The following SLMAP variants were observed in gnomAD, a reference collection of about 807,000 sequenced individuals.
SLMAP encodes the protein sarcolemmal membrane-associated protein.
A neutral mutation model predicts 128.8 loss-of-function variants in SLMAP; 44 were observed. The observed-to-expected ratio is 0.34, with a 90% CI of 0.27 to 0.44. The LOEUF (loss-of-function observed/expected upper bound fraction) is 0.44. SLMAP is among the 20% of genes least tolerant of loss of function. The pLI is 1.00. For missense variants in SLMAP, 787 were observed against 985.3 expected, an observed-to-expected ratio of 0.80 and a Z score of 2.69; for synonymous variants, 327 against 348.8, an observed-to-expected ratio of 0.94 and a Z score of 0.70.
At chr3:57,841,263 A>G (rs2093922426) in intron 3 of SLMAP, 36 bp from the exon 4 acceptor site, 8 of 1,288,306 alleles carry the variant, frequency 6.2e-6, no homozygotes, top group Non-Finnish European at 8.8e-6. Flanking sequence ...TTTTTAAACA[A>G]TTATTTCATC....
rs778463589 is a variant in SLMAP at position 57,847,205 on chromosome 3, A to G, written c.428A>G (p.His143Arg). 3 of 1,606,356 alleles carry G rather than the reference A, an allele frequency of 1.9e-6. No individual in the cohort carries two copies. The highest frequency in any genetic ancestry group is 2.6e-6 in the Non-Finnish European group (3 of 1,175,152). Residue 143 changes from histidine to arginine, a missense_variant, in exon 5 of 25, where the codon CAT becomes CGT. Physicochemically the swap from His to Arg is conservative, Grantham distance 29. This residue lies in a region of SLMAP where 715 missense variants were observed against 843.6 expected (regional missense o/e 0.85). Coordinates refer to ENST00000671191, the MANE Select transcript of SLMAP (RefSeq NM_001377540.1). The stretch of plus-strand genomic sequence containing the variant: ...TAAATTTTACTTTTCAGTGTCATCC[A>G]TGCACCATTACCAAGTCCTGTTGAC... ...MEARLRSDVI[H>R]APLPSPVDKV... is the part of the protein sequence containing the mutation.
chr3:57,883,175 G>A (rs574700734), intron 14 of SLMAP, among the ~76,000 whole-genome samples: 1 of 152,182 alleles, frequency 6.6e-6, no homozygotes, highest in African/African-American at 2.4e-5. Flanking sequence ...TACCTTAAGA[G>A]AGATAGGAAT....
intron 23 of SLMAP, among the ~76,000 whole-genome samples, chr3:57,924,224 C>CT (rs2096962990): frequency 6.6e-6 from 1 of 152,030 alleles, no homozygotes; most frequent in Non-Finnish European, 1.5e-5. Flanking sequence ...GGTGAATTTC[C>CT]TTTTTTTGTG....
chr3:57,826,498 GT>G (rs917159190), intron 2 of SLMAP, among the ~76,000 whole-genome samples: 2 of 152,102 alleles, frequency 1.3e-5, no homozygotes, highest in African/African-American at 2.4e-5. Flanking sequence ...CTCTTCTGTT[GT>G]TTTTGTAAAA....
chr3:57,904,473 A>T (rs1474784786), intron 17 of SLMAP, among the ~76,000 whole-genome samples: 1 of 152,250 alleles, frequency 6.6e-6, no homozygotes, highest in Non-Finnish European at 1.5e-5. Flanking sequence ...GATAGCCTTT[A>T]TGCTTAAATA....
intron 4 of SLMAP, among the ~76,000 whole-genome samples, chr3:57,843,824 A>G (rs2094106083): frequency 3.5e-5 from 4 of 114,884 alleles, no homozygotes; most frequent in Non-Finnish European, 5.0e-5. Flanking sequence ...TTTGTCAACC[A>G]GGCTGGAGTG....
At position 57,851,483 on chromosome 3, in the gene SLMAP, T is replaced by G. The variant is rs140201159; in HGVS notation, c.519+1667T>G. On this transcript the variant is annotated intron_variant, in intron 6 of 24. Transcript: ENST00000671191. The stretch of plus-strand genomic sequence containing the variant: ...TGAGGTATTTTTTGTTTTTGTTTTT[T>G]TTTTTTTGAAATGGACTTTCGCTCT... Among the ~76,000 whole-genome samples, 501 of 151,852 alleles carry G rather than the reference T, an allele frequency of 3.3e-3. 3 individuals carry two copies. Among genetic ancestry groups the G allele is most frequent in the African/African-American group, 9.8e-3 (405 of 41,464 alleles).
At chr3:57,805,833 A>C (rs1003548444) in intron 2 of SLMAP, among the ~76,000 whole-genome samples, 3 of 151,552 alleles carry the variant, frequency 2.0e-5, no homozygotes, top group Admixed American at 1.3e-4. Flanking sequence ...CCCCCTACCA[A>C]CCCCACACTA....
chr3:57,896,698 A>G, intron 16 of SLMAP, 107 bp downstream of exon 16: 1 of 1,261,824 alleles, frequency 7.9e-7, no homozygotes, highest in African/African-American at 1.5e-5. Flanking sequence ...GAAAAAAAAA[A>G]CGCTTCCATT....
intron 2 of SLMAP, among the ~76,000 whole-genome samples, chr3:57,822,462 A>G (rs1359607503): frequency 6.6e-6 from 1 of 152,212 alleles, no homozygotes; most frequent in Non-Finnish European, 1.5e-5. Context: ...CTGAGCTCGC[A>G]TGAACTGTCT....
chr3:57,898,687 G>T (rs1326651344), intron 17 of SLMAP: 1 of 152,116 alleles, frequency 6.6e-6, no homozygotes, highest in East Asian at 1.9e-4. Flanking sequence ...GTAAAACTCA[G>T]ATATTTGATG....
chr3:57,803,993 G>A (rs971449883), intron 2 of SLMAP, among the ~76,000 whole-genome samples: 1 of 152,170 alleles, frequency 6.6e-6, no homozygotes, highest in Non-Finnish European at 1.5e-5. Context: ...TCCTTGTAGA[G>A]TTCTTCTGTA....
At chr3:57,777,731 C>T (rs917368818) in intron 2 of SLMAP, among the ~76,000 whole-genome samples, 2 of 152,138 alleles carry the variant, frequency 1.3e-5, no homozygotes, top group African/African-American at 2.4e-5. Flanking sequence ...TCAAAAGACA[C>T]ACATAAGAAT....
chr3:57,802,073 A>G (rs2088596881), intron 2 of SLMAP, among the ~76,000 whole-genome samples: 1 of 152,174 alleles, frequency 6.6e-6, no homozygotes, highest in Admixed American at 6.5e-5. Flanking sequence ...ATTGAGATAT[A>G]ATTTACATTC....
intron 2 of SLMAP, chr3:57,800,976 CT>C: frequency 3.5e-6 from 1 of 285,884 alleles, no homozygotes; most frequent in Non-Finnish European, 6.9e-6. Flanking sequence ...TGCATTGATC[CT>C]ACTTTTCCTT....
At chr3:57,911,923 TAAAAA>T (rs57106769) in intron 19 of SLMAP, among the ~76,000 whole-genome samples, 7 of 52,370 alleles carry the variant, frequency 1.3e-4, no homozygotes, top group Non-Finnish European at 2.5e-4. Flanking sequence ...GGATTCACCC[TAAAAA>T]AAAAAAAAAA....
chr3:57,775,509 CAAAAAAA>C (rs1009755128), intron 2 of SLMAP, among the ~76,000 whole-genome samples: 19 of 21,196 alleles, frequency 9.0e-4, no homozygotes, highest in East Asian at 4.5e-3. Context: ...CCTGTTGGTA[CAAAAAAA>C]AAAAAAAAAA....
At chr3:57,915,892 C>T (rs937274493) in intron 21 of SLMAP, among the ~76,000 whole-genome samples, 2 of 152,116 alleles carry the variant, frequency 1.3e-5, no homozygotes, top group African/African-American at 4.8e-5. Context: ...TGTGGTGGCT[C>T]ACACCTGTAA....
chr3:57,923,518 TGAGA>T (rs1439379346), intron 23 of SLMAP, among the ~76,000 whole-genome samples: 4 of 152,292 alleles, frequency 2.6e-5, no homozygotes, highest in East Asian at 1.9e-4. Flanking sequence ...TGTAGGGCTG[TGAGA>T]GAGAGAGATG....
Sources: gnomAD v4.1 joint callset for allele counts (sites outside exome capture counted in the v4.1 genomes callset) on GRCh38, gnomAD v4.1.1 for gene constraint, gnomAD v4.1.1 regional missense constraint, MANE v1.5 for transcripts, NCBI Gene and HGNC (gene_info 2026-07-23, HGNC 2026-07-21) for gene names.